The following PKP2 variants were observed in gnomAD, a reference collection of about 807,000 sequenced individuals.
PKP2 encodes the protein plakophilin-2.
PKP2 carries 73 observed loss-of-function variants against 83.4 expected under a neutral mutation model. The observed-to-expected ratio is 0.88, with a 90% CI of 0.72 to 1.06. The LOEUF (loss-of-function observed/expected upper bound fraction) is 1.06. Ranked by LOEUF, PKP2 falls within the 50% of genes least tolerant of loss-of-function variation. PKP2 has a pLI of 0.00. For synonymous variants in PKP2, 409 were observed against 430.4 expected (o/e 0.95, Z 0.62); for missense variants, 966 against 1,065.4 (o/e 0.91, Z 1.30).
intron 1 of PKP2, among the ~76,000 whole-genome samples, chr12:32,885,871 G>T (rs1039697332): frequency 3.1e-4 from 47 of 152,162 alleles, no homozygotes; most frequent in African/African-American, 1.1e-3. Flanking sequence ...AAACAAGCAA[G>T]ATCTTTATAT....
At chr12:32,804,428 A>G (rs1382272777) in intron 9 of PKP2, among the ~76,000 whole-genome samples, 1 of 152,118 alleles carries the variant, frequency 6.6e-6, no homozygotes, top group South Asian at 2.1e-4. Context: ...CCCAGCGCCC[A>G]TTAGCTATTC....
At chr12:32,839,374 C>T (rs974630063) in intron 6 of PKP2, among the ~76,000 whole-genome samples, 6 of 130,214 alleles carry the variant, frequency 4.6e-5, no homozygotes, top group South Asian at 2.5e-4. Flanking sequence ...AAGATGTGCA[C>T]TTTTTTTTTT....
chr12:32,830,827 A>G (rs1956493991), intron 6 of PKP2, among the ~76,000 whole-genome samples: 1 of 151,992 alleles, frequency 6.6e-6, no homozygotes, highest in African/African-American at 2.4e-5. Context: ...AATCACTTGA[A>G]CCTGGGAGGC....
At chr12:32,803,299 G>T (rs1370661793) in intron 9 of PKP2, among the ~76,000 whole-genome samples, 2 of 152,152 alleles carry the variant, frequency 1.3e-5, no homozygotes, top group Non-Finnish European at 2.9e-5. Flanking sequence ...CTTGAACCTG[G>T]GAGACAGAGG....
intron 6 of PKP2, among the ~76,000 whole-genome samples, chr12:32,837,120 G>A (rs180827288): frequency 1.1e-4 from 16 of 152,308 alleles, no homozygotes; most frequent in African/African-American, 3.4e-4. Context: ...CTGATACAGT[G>A]CCCATAATGA....
chr12:32,829,620 T>C (rs1956479797), intron 6 of PKP2, among the ~76,000 whole-genome samples: 1 of 151,968 alleles, frequency 6.6e-6, no homozygotes, highest in Non-Finnish European at 1.5e-5. Flanking sequence ...TATGTGCATG[T>C]ATTGTATACA....
chr12:32,822,741 G>T, intron 7 of PKP2, 110 bp from the exon 8 acceptor site: 1 of 1,228,956 alleles, frequency 8.1e-7, no homozygotes, highest in Non-Finnish European at 1.2e-6. Flanking sequence ...ATGCAACTGG[G>T]TGTGCTTAAA....
rs549918580 is a variant in PKP2 at position 32,881,918 on chromosome 12, C to CTG, written c.224-2888_224-2887dup. On this transcript the variant is annotated intron_variant, in intron 1 of 12. Transcript: ENST00000340811. Reference sequence around the variant, plus strand: ...AGGTAGGCCTGCAAGGGCCAGGCTGCTGTGGGAAAGGAGGCTAGCAGGCCA... The same window carrying CTG: ...AGGTAGGCCTGCAAGGGCCAGGCTGCTGTGTGGGAAAGGAGGCTAGCAGGCCA... Among the ~76,000 whole-genome samples, 599 of 152,314 alleles carry CTG rather than the reference C, an allele frequency of 3.9e-3. 2 individuals carry two copies. Among genetic ancestry groups the CTG allele is most frequent in the Non-Finnish European group, 5.7e-3 (386 of 68,032 alleles).
Position 32,858,107 on chromosome 12 carries a change from A to G in PKP2, c.1171-7134T>C, listed in dbSNP as rs866367345. Among the ~76,000 whole-genome samples the G allele has an allele frequency of 1.2e-4, 12 of 101,698 alleles. No homozygotes were observed. In the South Asian group the frequency reaches 1.5e-3, roughly 13 times the overall value. 66.7% of individuals were successfully genotyped at this position (101,698 alleles called of 152,430 possible). A position where few individuals can be genotyped will look rare whatever the true frequency, so the allele number is the denominator to read the frequency against. On this transcript the variant is annotated intron_variant, in intron 4 of 12. Transcript: ENST00000340811. Reference sequence around the variant, plus strand: ...AAAATATATATATATATATATATATATATATATATTTATATATATTTTATA... The same window carrying G: ...AAAATATATATATATATATATATATGTATATATATTTATATATATTTTATA...
intron 6 of PKP2, among the ~76,000 whole-genome samples, chr12:32,827,179 T>A (rs1041985007): frequency 7.2e-5 from 11 of 152,346 alleles, no homozygotes; most frequent in Non-Finnish European, 1.3e-4. Flanking sequence ...GAATGGTAAG[T>A]CAAGTTGGCA....
intron 4 of PKP2, among the ~76,000 whole-genome samples, chr12:32,865,762 A>G (rs965066921): frequency 6.6e-6 from 1 of 151,952 alleles, no homozygotes; most frequent in African/African-American, 2.4e-5. Context: ...ATTCCTTTTC[A>G]GCAAAGATAC....
intron 3 of PKP2, among the ~76,000 whole-genome samples, chr12:32,877,281 G>T (rs2137943755): frequency 6.6e-6 from 1 of 152,244 alleles, no homozygotes; most frequent in South Asian, 2.1e-4. Context: ...GGAAAGGAAT[G>T]ACTTAAAAAT....
chr12:32,826,157 T>C (rs1956438591), intron 6 of PKP2, among the ~76,000 whole-genome samples: 1 of 151,684 alleles, frequency 6.6e-6, no homozygotes, highest in Non-Finnish European at 1.5e-5. Context: ...CCAAACAAAA[T>C]TAGCCAGGCA....
intron 1 of PKP2, 26 bp downstream of exon 1, chr12:32,896,483 G>T (rs767016931): frequency 3.7e-5 from 54 of 1,449,896 alleles, no homozygotes; most frequent in Middle Eastern, 2.4e-4. Flanking sequence ...AGGGGGCGGC[G>T]CCGGGGAGCG....
Position 32,877,985 on chromosome 12 carries a change from G to A in PKP2, c.895C>T (p.Arg299Cys), listed in dbSNP as rs564987195. The stretch of plus-strand genomic sequence containing the variant: ...CTGGGCCCAGCTTCCCTCAGCGTGC[G>A]GGTGCTGTGGAAGGAGCTCTGATGC... Reference protein sequence around the residue: ...SWHQSSFHSTRTLREAGPSVA... With the variant: ...SWHQSSFHSTCTLREAGPSVA... Residue 299 changes from arginine to cysteine, a missense_variant, in exon 3 of 13, where the codon CGC becomes TGC. Transcript: ENST00000340811. 135 of 1,614,024 alleles carry A rather than the reference G, an allele frequency of 8.4e-5. 1 individual carries two copies. The highest frequency in any genetic ancestry group is 5.0e-4 in the Middle Eastern group (3 of 6,028).
intron 3 of PKP2, among the ~76,000 whole-genome samples, chr12:32,877,279 A>G (rs1247495257): frequency 6.6e-6 from 1 of 152,234 alleles, no homozygotes; most frequent in Non-Finnish European, 1.5e-5. Context: ...ATGGAAAGGA[A>G]TGACTTAAAA....
intron 7 of PKP2, among the ~76,000 whole-genome samples, chr12:32,823,226 C>T (rs1429138470): frequency 6.6e-6 from 1 of 151,846 alleles, no homozygotes; most frequent in Non-Finnish European, 1.5e-5. Context: ...CCAGGCTGGC[C>T]AACATGGCAA....
chr12:32,824,252 G>T, intron 6 of PKP2, 90 bp from the exon 7 acceptor site: 1 of 939,572 alleles, frequency 1.1e-6, no homozygotes, highest in Non-Finnish European at 1.7e-6. Context: ...GCTTCTTCCA[G>T]GTGTTTGGAA....
At chr12:32,793,025 G>A (rs1223784361) in intron 11 of PKP2, 1 of 403,932 alleles carries the variant, frequency 2.5e-6, no homozygotes, top group Non-Finnish European at 4.7e-6. Context: ...GCTGAGGTGG[G>A]TAGATCACGA....
Sources: allele counts gnomAD v4.1 joint callset (sites outside exome capture counted in the v4.1 genomes callset), GRCh38; gene constraint gnomAD v4.1.1; transcripts MANE v1.5; gene names NCBI Gene and HGNC (gene_info 2026-07-23, HGNC 2026-07-21).